The following SORCS1 variants were observed in gnomAD, a reference collection of about 807,000 sequenced individuals.
SORCS1 encodes VPS10 domain-containing receptor SorCS1.
A neutral mutation model predicts 146.1 loss-of-function variants in SORCS1; 60 were observed. The observed-to-expected ratio is 0.41, with a 90% confidence interval of 0.33 to 0.51. SORCS1 has a LOEUF of 0.51. Ranked by LOEUF, SORCS1 falls within the 20% of genes least tolerant of loss-of-function variation. The probability of loss-of-function intolerance (pLI) is 0.21; values close to 1 mark genes in which losing one functional copy is unlikely to be tolerated. For missense variants in SORCS1, 1,352 were observed against 1,487.6 expected (o/e 0.91, Z 1.50); for synonymous variants, 637 against 584.0 (o/e 1.09, Z -1.31).
intron 1 of SORCS1, among the ~76,000 whole-genome samples, chr10:107,128,476 T>C (rs1210251213): frequency 6.6e-6 from 1 of 152,216 alleles, no homozygotes; most frequent in East Asian, 1.9e-4. Context: ...CCCATCACTG[T>C]CATTTACCAG....
intron 17 of SORCS1, among the ~76,000 whole-genome samples, chr10:106,654,858 T>A (rs1239021933): frequency 6.6e-6 from 1 of 152,182 alleles, no homozygotes; most frequent in African/African-American, 2.4e-5. Flanking sequence ...CATCTGATTT[T>A]TTTTTTTTGT....
intron 1 of SORCS1, chr10:106,969,997 T>C (rs1038349309): frequency 3.9e-5 from 6 of 152,304 alleles, no homozygotes; most frequent in Admixed American, 3.9e-4. Context: ...GCCAATACTC[T>C]GTGACACTAA....
At chr10:107,075,873 C>T (rs1962838171) in intron 1 of SORCS1, among the ~76,000 whole-genome samples, 1 of 151,976 alleles carries the variant, frequency 6.6e-6, no homozygotes. Context: ...CATTTTCAGG[C>T]AACGATTTTC....
At chr10:107,055,604 T>A (rs1960546453) in intron 1 of SORCS1, among the ~76,000 whole-genome samples, 1 of 152,174 alleles carries the variant, frequency 6.6e-6, no homozygotes, top group Non-Finnish European at 1.5e-5. Context: ...ATAGAACTCA[T>A]CCATTAATAC....
chr10:107,088,820 G>A (rs1028495690), intron 1 of SORCS1, among the ~76,000 whole-genome samples: 1 of 152,174 alleles, frequency 6.6e-6, no homozygotes, highest in African/African-American at 2.4e-5. Context: ...CCCTGAATTT[G>A]TCATGGTTCC....
chr10:106,687,814 A>C (rs1055654801), intron 10 of SORCS1, among the ~76,000 whole-genome samples: 1 of 152,170 alleles, frequency 6.6e-6, no homozygotes, highest in Non-Finnish European at 1.5e-5. Flanking sequence ...CAGTTCATCA[A>C]CTCTACAGCT....
rs7090410 is a variant in SORCS1, at chr10:107,033,646, G to C, written c.559-77066C>G. ...TACCACATAACAGTTCAATAAGATA[G>C]AGATTCCCTTGTTTTACAGACTACA... is the stretch of plus-strand genomic sequence containing the variant. On this transcript the variant is annotated intron_variant, in intron 1 of 25. Coordinates refer to ENST00000263054, the MANE Select transcript of SORCS1 (RefSeq NM_052918.5). Among the ~76,000 whole-genome samples, 1,280 of 152,288 alleles carry C rather than the reference G, an allele frequency of 8.4e-3. 14 individuals carry two copies. The highest frequency in any genetic ancestry group is 0.029 in the African/African-American group (1,187 of 41,550).
At chr10:106,852,092 T>A (rs1318531046) in intron 2 of SORCS1, among the ~76,000 whole-genome samples, 1 of 152,216 alleles carries the variant, frequency 6.6e-6, no homozygotes, top group Non-Finnish European at 1.5e-5. Flanking sequence ...GTTGATTCTC[T>A]AAGATTTTAT....
chr10:106,854,876 A>G (rs1222758569), intron 2 of SORCS1, among the ~76,000 whole-genome samples: 1 of 152,134 alleles, frequency 6.6e-6, no homozygotes, highest in African/African-American at 2.4e-5. Context: ...CATTGTTGCT[A>G]TTATCTTGAA....
rs1219821949 is a variant in SORCS1 at position 106,699,388 on chromosome 10, C to G, written c.1239G>C (p.Met413Ile). Residue 413 changes from methionine (M) to isoleucine (I), a missense_variant, in exon 9 of 26, where the codon ATG becomes ATC. This residue lies in a region of SORCS1 where 648 missense variants were observed against 793.8 expected (regional missense o/e 0.82). Transcript: ENST00000263054. Reference protein sequence around the residue: ...KLPKYALPKDMHVISTDENQV... With the variant: ...KLPKYALPKDIHVISTDENQV... ...GATTCTCATCGGTGCTGATAACATGCATGTCCTGTGAAAAGACACAAGGTC... is the reference window on the plus strand; with the variant it reads ...GATTCTCATCGGTGCTGATAACATGGATGTCCTGTGAAAAGACACAAGGTC... The G allele has an allele frequency of 6.2e-7, 1 of 1,608,408 alleles. No homozygotes were observed. Among genetic ancestry groups the G allele is most frequent in the Admixed American group, 1.7e-5 (1 of 59,232 alleles).
chr10:107,176,914 AT>A, the SORCS1 span, among the ~76,000 whole-genome samples: 14 of 151,980 alleles, frequency 9.2e-5, no homozygotes, highest in South Asian at 2.1e-3. Flanking sequence ...AATTTTATTA[AT>A]TTTTTTGGCT....
At chr10:107,036,668 G>A (rs1958921120) in intron 1 of SORCS1, among the ~76,000 whole-genome samples, 1 of 152,174 alleles carries the variant, frequency 6.6e-6, no homozygotes, top group Admixed American at 6.5e-5. Flanking sequence ...ACACGTAAGA[G>A]CTATACCTGA....
intron 3 of SORCS1, among the ~76,000 whole-genome samples, chr10:106,788,060 C>T (rs1016004103): frequency 2.4e-4 from 36 of 152,144 alleles, no homozygotes; most frequent in Admixed American, 9.2e-4. Context: ...TGGCTTATTC[C>T]TATAGCACCA....
chr10:106,793,833 T>C (rs765766456), intron 3 of SORCS1, among the ~76,000 whole-genome samples: 2 of 152,204 alleles, frequency 1.3e-5, no homozygotes, highest in African/African-American at 4.8e-5. Context: ...AGTCTGACAA[T>C]CAATCCTCTT....
At chr10:107,179,899 A>G in the SORCS1 span, among the ~76,000 whole-genome samples, 19 of 142,966 alleles carry the variant, frequency 1.3e-4, no homozygotes, top group African/African-American at 4.7e-4. Flanking sequence ...CTTTCACAAA[A>G]CAGACTTTTT....
intron 1 of SORCS1, among the ~76,000 whole-genome samples, chr10:107,012,721 A>C (rs1483916855): frequency 6.6e-6 from 1 of 152,186 alleles, no homozygotes; most frequent in Non-Finnish European, 1.5e-5. Context: ...CTGGTACAGA[A>C]GGACTGTTAA....
intron 5 of SORCS1, among the ~76,000 whole-genome samples, chr10:106,751,112 A>G (rs12262496): frequency 0.16 from 21,631 of 133,282 alleles, 3,088 homozygotes; most frequent in East Asian, 0.44. Context: ...GAGGTGCAAA[A>G]GCGTTAGCAA....
intron 1 of SORCS1, among the ~76,000 whole-genome samples, chr10:107,112,325 T>C (rs1230122031): frequency 6.6e-6 from 1 of 152,088 alleles, no homozygotes; most frequent in Non-Finnish European, 1.5e-5. Context: ...TAAAATATTA[T>C]AATTTTAGGA....
intron 9 of SORCS1, among the ~76,000 whole-genome samples, chr10:106,693,931 C>T (rs926565315): frequency 3.9e-5 from 6 of 152,178 alleles, no homozygotes; most frequent in Non-Finnish European, 5.9e-5. Flanking sequence ...ATGAATACTA[C>T]CTACCACCCT....
Sources: gnomAD v4.1 joint callset for allele counts (sites outside exome capture counted in the v4.1 genomes callset) on GRCh38, gnomAD v4.1.1 for gene constraint, gnomAD v4.1.1 regional missense constraint, MANE v1.5 for transcripts, NCBI Gene and HGNC (gene_info 2026-07-23, HGNC 2026-07-21) for gene names.